VEGFD: variants seen among roughly 807,000 people sequenced by gnomAD.
VEGFD encodes the protein vascular endothelial growth factor D, also known as c-fos induced growth factor (vascular endothelial growth factor D).
Under a neutral mutation model 28.0 loss-of-function variants are expected in VEGFD, and 26 were observed. The ratio of observed to expected loss-of-function variants is 0.93; its 90% CI spans 0.68 to 1.29. The LOEUF (loss-of-function observed/expected upper bound fraction) is 1.29, where lower values mean the gene tolerates loss of function less well. VEGFD is among the 50% of genes most tolerant of loss of function. VEGFD has a pLI of 0.00. For missense variants in VEGFD, 294 were observed against 273.4 expected (o/e 1.08, Z -0.53); for synonymous variants, 93 against 95.5 (o/e 0.97, Z 0.15).
intron 4 of VEGFD, among the ~76,000 whole-genome samples, chrX:15,354,194 A>G (rs556553531): frequency 1.4e-3 from 148 of 109,488 alleles, no homozygotes; most frequent in Non-Finnish European, 2.5e-3. Flanking sequence ...GATGGTCTCA[A>G]TCTCCTGACC....
In VEGFD at chrX:15,383,880, T is replaced by C. The variant is rs1047236113; in HGVS notation, c.67A>G (p.Ser23Gly). ...MLYVQLVQGS[S>G]NEHGPVKRSS... ...ACCTTCACTGGTCCATGTTCATTAC[T>C]GGAGCCCTGCACCAGCTGGACGTAC... is the stretch of plus-strand genomic sequence containing the variant. The change falls in exon 1 of 7, where the codon AGT becomes GGT. Residue 23 changes from serine to glycine, a missense_variant. Transcript: ENST00000297904. 16 of 1,207,918 alleles carry C rather than the reference T, an allele frequency of 1.3e-5. No individual in the cohort carries two copies. The highest frequency in any genetic ancestry group is 2.3e-4 in the Middle Eastern group (1 of 4,365).
At chrX:15,380,852 A>T (rs1016991253) in intron 1 of VEGFD, among the ~76,000 whole-genome samples, 1 of 112,624 alleles carries the variant, frequency 8.9e-6, no homozygotes, top group Admixed American at 9.4e-5. Context: ...TGCATGGAGC[A>T]CCCTAGAGTT....
chrX:15,359,727 T>C (rs1041485467), intron 2 of VEGFD, among the ~76,000 whole-genome samples: 2 of 111,547 alleles, frequency 1.8e-5, no homozygotes, highest in African/African-American at 6.5e-5. Context: ...CTCTGGCCAA[T>C]AGCCAGCGAG....
chrX:15,369,244 T>C (rs906778477), intron 1 of VEGFD, among the ~76,000 whole-genome samples: 7 of 111,023 alleles, frequency 6.3e-5, no homozygotes, highest in Non-Finnish European at 1.1e-4. Context: ...ACCAATTTCA[T>C]CTCTCAATTT....
At position 15,348,423 on chromosome X, in the gene VEGFD, G is replaced by A. The variant is rs180995007; in HGVS notation, c.743-1064C>T. On this transcript the variant is annotated intron_variant, in intron 5 of 6. Transcript: ENST00000297904. Reference sequence around the variant, plus strand: ...GCAAACCAAATCACTTCATTCCACTGCTTTGAATGCATTAAAAGGTTCCCT... The same window carrying A: ...GCAAACCAAATCACTTCATTCCACTACTTTGAATGCATTAAAAGGTTCCCT... Among the ~76,000 whole-genome samples the A allele has an allele frequency of 3.2e-4, 36 of 112,251 alleles. 2 individuals are homozygous for A. The East Asian group carries it at 4.5e-3, about 14-fold the overall frequency.
intron 1 of VEGFD, among the ~76,000 whole-genome samples, chrX:15,379,701 T>C (rs1274963962): frequency 8.9e-6 from 1 of 112,343 alleles, no homozygotes; most frequent in African/African-American, 3.2e-5. Context: ...AATTTTACTG[T>C]CATTTGTGTG....
intron 1 of VEGFD, among the ~76,000 whole-genome samples, chrX:15,383,352 ACT>A (rs941209451): frequency 8.9e-6 from 1 of 111,735 alleles, no homozygotes; most frequent in Non-Finnish European, 1.9e-5. Flanking sequence ...AAAACCAAAC[ACT>A]CTCTGAGAAA....
rs189290654 is a variant in VEGFD, at chrX:15,363,934, C to T, written c.91-615G>A. Among the ~76,000 whole-genome samples the T allele has an allele frequency of 5.0e-3, 562 of 112,260 alleles. 1 individual carries two copies. The highest frequency in any genetic ancestry group is 0.017 in the African/African-American group (522 of 30,891). On this transcript the variant is annotated intron_variant, in intron 1 of 6. Transcript: ENST00000297904. ...TTGCTGACCCTTCCATTTTGGAATTCTGGACTCTGGAGCTGTGAGAAAATA... is the reference window on the plus strand; with the variant it reads ...TTGCTGACCCTTCCATTTTGGAATTTTGGACTCTGGAGCTGTGAGAAAATA...
intron 2 of VEGFD, 32 bp downstream of exon 2, chrX:15,363,077 G>C (rs751967993): frequency 8.5e-7 from 1 of 1,173,340 alleles, no homozygotes; most frequent in East Asian, 3.0e-5. Flanking sequence ...CTAATAAAGA[G>C]AAAGAATTTG....
At chrX:15,356,420 T>C (rs1404677857) in intron 3 of VEGFD, among the ~76,000 whole-genome samples, 2 of 112,346 alleles carry the variant, frequency 1.8e-5, no homozygotes, top group East Asian at 5.5e-4. Flanking sequence ...CAAAAATGCA[T>C]ATTTGGAAGA....
intron 1 of VEGFD, among the ~76,000 whole-genome samples, chrX:15,369,120 C>A (rs1387270539): frequency 9.0e-6 from 1 of 111,228 alleles, no homozygotes; most frequent in Non-Finnish European, 1.9e-5. Flanking sequence ...TAATTTAGGT[C>A]ACGGGTGACC....
intron 4 of VEGFD, among the ~76,000 whole-genome samples, chrX:15,353,708 C>T (rs956641336): frequency 9.2e-6 from 1 of 108,867 alleles, no homozygotes; most frequent in Admixed American, 9.7e-5. Context: ...CCATTGCACT[C>T]CAGCCGGGGC....
At chrX:15,380,005 C>T (rs1012610492) in intron 1 of VEGFD, among the ~76,000 whole-genome samples, 4 of 112,405 alleles carry the variant, frequency 3.6e-5, no homozygotes, top group Non-Finnish European at 5.6e-5. Flanking sequence ...AAGTTTCAGT[C>T]ACCAGTTATA....
chrX:15,351,208 C>T (rs1342251000), intron 5 of VEGFD, among the ~76,000 whole-genome samples: 2 of 98,779 alleles, frequency 2.0e-5, no homozygotes, highest in East Asian at 3.2e-4. Context: ...CTCCGCCTCC[C>T]GGGTTCACGC....
At chrX:15,358,748 G>A (rs1922930915) in intron 2 of VEGFD, among the ~76,000 whole-genome samples, 1 of 111,652 alleles carries the variant, frequency 9.0e-6, no homozygotes. Context: ...GCAAGTGCCC[G>A]ATACTGATAT....
intron 3 of VEGFD, 95 bp downstream of exon 3, chrX:15,357,908 C>T: frequency 2.7e-6 from 2 of 742,070 alleles, no homozygotes; most frequent in Non-Finnish European, 3.9e-6. Flanking sequence ...GCACATAAAG[C>T]ATTTAGTACA....
At chrX:15,368,568 G>A (rs1390540448) in intron 1 of VEGFD, among the ~76,000 whole-genome samples, 2 of 112,212 alleles carry the variant, frequency 1.8e-5, no homozygotes, top group Admixed American at 9.4e-5. Context: ...GTTCCCAATC[G>A]GCTTTCTGCA....
intron 6 of VEGFD, among the ~76,000 whole-genome samples, chrX:15,346,511 T>C (rs1922552754): frequency 8.9e-6 from 1 of 112,034 alleles, no homozygotes; most frequent in Non-Finnish European, 1.9e-5. Context: ...AACAAACATA[T>C]ATAGACATAA....
chrX:15,347,690 T>C (rs1268291578), intron 5 of VEGFD, among the ~76,000 whole-genome samples: 2 of 112,089 alleles, frequency 1.8e-5, no homozygotes, highest in African/African-American at 3.2e-5. Context: ...AAATATAGGA[T>C]GTCTAAGGGT....
Sources: gnomAD v4.1 joint callset for allele counts (sites outside exome capture counted in the v4.1 genomes callset) on GRCh38, gnomAD v4.1.1 for gene constraint, MANE v1.5 for transcripts, NCBI Gene and HGNC (gene_info 2026-07-23, HGNC 2026-07-21) for gene names.